PCYOX1L: variants seen among roughly 807,000 people sequenced by gnomAD.
PCYOX1L encodes the protein prenylcysteine oxidase 1-like.
PCYOX1L carries 40 observed loss-of-function variants against 44.1 expected under a neutral mutation model. That is an observed-to-expected ratio of 0.91 (90% confidence interval 0.70 to 1.18). The LOEUF is 1.18. PCYOX1L is among the 50% of genes most tolerant of loss of function. PCYOX1L has a pLI of 0.00. For missense variants in PCYOX1L, 605 were observed against 653.3 expected, an observed-to-expected ratio of 0.93 and a Z score of 0.81; for synonymous variants, 266 against 282.8, an observed-to-expected ratio of 0.94 and a Z score of 0.60.
chr5:149,362,593 A>T, intron 1 of PCYOX1L, 44 bp from the exon 2 acceptor site: 1 of 1,604,856 alleles, frequency 6.2e-7, no homozygotes. Flanking sequence ...TCTCACTCTC[A>T]TGTTCTGTCT....
Position 149,368,694 on chromosome 5 carries a change from A to G in PCYOX1L, c.*40A>G. 6.7e-7 allele frequency: 1 copy of G among 1,489,478 alleles called. No individual in the cohort carries two copies. Among genetic ancestry groups the G allele is most frequent in the Non-Finnish European group, 8.9e-7 (1 of 1,124,094 alleles). The allele number at this position is 1,489,478 out of a possible 1,614,324, so 92.3% of individuals were successfully genotyped here. Reference sequence around the variant, plus strand: ...GCCTGGGAACTTTCATCCCCCACTGAAGATGGATCATCCCACAGCAGCCCA... The same window carrying G: ...GCCTGGGAACTTTCATCCCCCACTGGAGATGGATCATCCCACAGCAGCCCA... On this transcript the variant is annotated 3_prime_UTR_variant, in exon 6 of 6. Transcript: ENST00000274569.
chr5:149,364,261 G>A, intron 3 of PCYOX1L, 51 bp downstream of exon 3: 1 of 1,604,860 alleles, frequency 6.2e-7, no homozygotes, highest in East Asian at 2.2e-5. Context: ...CCGAGAAGAG[G>A]TGGGGGAGGA....
At chr5:149,363,864 A>G (rs1015923231) in intron 2 of PCYOX1L, 172 bp from the exon 3 acceptor site, 1 of 642,836 alleles carries the variant, frequency 1.6e-6, no homozygotes, top group Non-Finnish European at 2.5e-6. Flanking sequence ...TCATTTTTTT[A>G]TTGACTTGGT....
Position 149,368,334 on chromosome 5 carries a change from C to G in PCYOX1L, c.1165C>G (p.Gln389Glu). ...ISASFRRKQP[Q>E]EAAVWRVQSP... ...TGCCAGCTTCCGGCGAAAGCAGCCCCAGGAGGCAGCTGTTTGGCGAGTCCA... is the reference window on the plus strand; with the variant it reads ...TGCCAGCTTCCGGCGAAAGCAGCCCGAGGAGGCAGCTGTTTGGCGAGTCCA... Residue 389 changes from glutamine (Q) to glutamate (E), a missense_variant, in exon 6 of 6, where the codon CAG becomes GAG. By Grantham distance (29) the Gln-to-Glu change is conservative. Coordinates refer to ENST00000274569, the MANE Select transcript of PCYOX1L (RefSeq NM_024028.4). The G allele has an allele frequency of 1.9e-6, 3 of 1,614,232 alleles. No individual in the cohort carries two copies. Among genetic ancestry groups the G allele is most frequent in the Non-Finnish European group, 2.5e-6 (3 of 1,180,042 alleles).
intron 2 of PCYOX1L, 100 bp downstream of exon 2, chr5:149,362,943 A>G (rs750508158): frequency 3.1e-6 from 4 of 1,275,532 alleles, no homozygotes; most frequent in East Asian, 2.4e-5. Context: ...CCAGAAGGTC[A>G]TGTGGCCCAA....
Position 149,368,380 on chromosome 5 carries a change from G to A in PCYOX1L, c.1211G>A (p.Arg404Gln), listed in dbSNP as rs569066814. ...WRVQSPKPLF[R>Q]TQLKTLFRSY... ...GTCCAGTCCCCCAAGCCCCTCTTTC[G>A]GACCCAGCTAAAGACCCTGTTCCGT... The change falls in exon 6 of 6, where the codon CGG becomes CAG. Residue 404 changes from arginine to glutamine, a missense_variant. Coordinates refer to ENST00000274569, the MANE Select transcript of PCYOX1L (RefSeq NM_024028.4). 2.6e-5 allele frequency: 42 copies of A among 1,614,002 alleles called. No homozygotes were observed. Among genetic ancestry groups the A allele is most frequent in the East Asian group, 6.7e-5 (3 of 44,892 alleles).
rs752293441 is a variant in PCYOX1L at position 149,368,297 on chromosome 5, T to C, written c.1128T>C (p.Pro376=). 1.2e-6 allele frequency: 2 copies of C among 1,614,194 alleles called. No homozygotes were observed. The highest frequency in any genetic ancestry group is 1.7e-6 in the Non-Finnish European group (2 of 1,180,034). The change falls in exon 6 of 6, where the codon CCT becomes CCC. Residue 376 remains proline (P), a synonymous_variant. Transcript: ENST00000274569. ...SFFCTLDNIC[P]VNISASFRRK... Reference sequence around the variant, plus strand: ...TCTGCACTCTGGACAACATCTGCCCTGTCAACATCTCTGCCAGCTTCCGGC... The same window carrying C: ...TCTGCACTCTGGACAACATCTGCCCCGTCAACATCTCTGCCAGCTTCCGGC...
At chr5:149,367,267 G>T in intron 4 of PCYOX1L, 93 bp from the exon 5 acceptor site, 2 of 1,456,690 alleles carry the variant, frequency 1.4e-6, no homozygotes, top group Admixed American at 2.5e-5. Flanking sequence ...TTTTGCTCTG[G>T]CAGGGAGGCC....
chr5:149,362,824 G>A lies in PCYOX1L; in HGVS notation c.276G>A (p.Gln92=). The change falls in exon 2 of 6, where the codon CAG becomes CAA. Residue 92 remains glutamine (Q), a synonymous_variant. Coordinates refer to ENST00000274569, the MANE Select transcript of PCYOX1L (RefSeq NM_024028.4). ...ASFHSLSLHM[Q]DFVKLLGLRH... ...TCCACTCCCTGAGCCTGCACATGCA[G>A]GACTTCGTCAAGCTGCTGGGTGAGT... 2 of 1,614,042 alleles carry A rather than the reference G, an allele frequency of 1.2e-6. No individual in the cohort carries two copies. The highest frequency in any genetic ancestry group is 1.7e-6 in the Non-Finnish European group (2 of 1,180,046).
chr5:149,358,196 C>A, intron 1 of PCYOX1L, 40 bp downstream of exon 1: 2 of 1,405,524 alleles, frequency 1.4e-6, no homozygotes, highest in Non-Finnish European at 1.9e-6. Flanking sequence ...CTGGGGAGGG[C>A]CGGCGGGTAA....
At chr5:149,359,325 G>T (rs1422548273) in intron 1 of PCYOX1L, among the ~76,000 whole-genome samples, 1 of 152,232 alleles carries the variant, frequency 6.6e-6, no homozygotes, top group Non-Finnish European at 1.5e-5. Flanking sequence ...GCCATACAGG[G>T]TTAAGAAGAC....
Position 149,366,050 on chromosome 5 carries a change from G to A in PCYOX1L, c.579G>A (p.Glu193=). ...ACATGACCCAGCACTCTGTGGCTGA[G>A]TCCCTGCTGCAGGTGGGCGTCACGC... The part of the protein sequence containing the change: ...FVNMTQHSVA[E]SLLQVGVTQR... Residue 193 remains glutamate (E), a synonymous_variant, in exon 4 of 6, where the codon GAG becomes GAA. Transcript: ENST00000274569. 5 of 1,614,244 alleles carry A rather than the reference G, an allele frequency of 3.1e-6. No individual in the cohort carries two copies. The highest frequency in any genetic ancestry group is 4.2e-6 in the Non-Finnish European group (5 of 1,180,042).
chr5:149,364,026 G>C lies in PCYOX1L; in HGVS notation c.296-10G>C. On this transcript the variant is annotated splice_polypyrimidine_tract_variant and intron_variant, in intron 2 of 5. Coordinates refer to ENST00000274569, the MANE Select transcript of PCYOX1L (RefSeq NM_024028.4). ...GAGGGGACCTGAGGGGCTCCTCTTT[G>C]TCTCTGCAGGGCTGAGGCACCGGCG... 6.2e-7 allele frequency: 1 copy of C among 1,613,394 alleles called. No homozygotes were observed. The highest frequency in any genetic ancestry group is 8.5e-7 in the Non-Finnish European group (1 of 1,179,696).
chr5:149,359,549 T>G lies in PCYOX1L; in HGVS notation c.88+1393T>G, dbSNP rs189763621. ...CGTTTGAATACAGTGTGGCTAGGAG[T>G]AAGCAGAGTGTGCTGTGGGAATATG... is the stretch of plus-strand genomic sequence containing the variant. On this transcript the variant is annotated intron_variant, in intron 1 of 5. Coordinates refer to ENST00000274569, the MANE Select transcript of PCYOX1L (RefSeq NM_024028.4). Among the ~76,000 whole-genome samples the G allele has an allele frequency of 1.7e-3, 252 of 152,256 alleles. 3 individuals carry two copies. The highest frequency in any genetic ancestry group is 5.9e-3 in the African/African-American group (244 of 41,524).
chr5:149,363,898 TCTGTTTA>T, intron 2 of PCYOX1L, 131 bp from the exon 3 acceptor site: 1 of 869,754 alleles, frequency 1.1e-6, no homozygotes, highest in South Asian at 2.2e-5. Context: ...TCCCAGTGCA[TCTGTTTA>T]CTGTTTATTA....
chr5:149,366,936 G>GT (rs1296002492), intron 4 of PCYOX1L, among the ~76,000 whole-genome samples: 1 of 152,112 alleles, frequency 6.6e-6, no homozygotes, highest in Non-Finnish European at 1.5e-5. Context: ...CAATTCAGTG[G>GT]TTTTTAGCAC....
intron 3 of PCYOX1L, 42 bp from the exon 4 acceptor site, chr5:149,365,900 A>G: frequency 6.2e-7 from 1 of 1,606,768 alleles, no homozygotes. Flanking sequence ...GTCAGGCAAA[A>G]AGCCTTCCTG....
rs1381361157 is a variant in PCYOX1L at position 149,358,092 on chromosome 5, C to T, written c.24C>T (p.Leu8=). The change falls in exon 1 of 6, where the codon CTC becomes CTT. Residue 8 remains leucine (L), a synonymous_variant. Transcript: ENST00000274569. ...CCATGGCCCGCGCAGCCCCGCTGCT[C>T]GCCGCGTTGACCGCGCTCCTCGCCG... is the stretch of plus-strand genomic sequence containing the variant. The part of the protein sequence containing the change: MARAAPL[L]AALTALLAAA... 2.8e-6 allele frequency: 4 copies of T among 1,442,454 alleles called. No homozygotes were observed. Among genetic ancestry groups the T allele is most frequent in the East Asian group, 3.0e-5 (1 of 32,796 alleles). The allele number at this position is 1,442,454 out of a possible 1,614,324, so 89.4% of individuals were successfully genotyped here.
chr5:149,361,809 G>A (rs1758017612), intron 1 of PCYOX1L, among the ~76,000 whole-genome samples: 1 of 152,158 alleles, frequency 6.6e-6, no homozygotes. Flanking sequence ...TGTATTTTTA[G>A]TAGAGACAGG....
Sources: allele counts gnomAD v4.1 joint callset (sites outside exome capture counted in the v4.1 genomes callset), GRCh38; gene constraint gnomAD v4.1.1; transcripts MANE v1.5; gene names NCBI Gene and HGNC (gene_info 2026-07-23, HGNC 2026-07-21).